The following CNTNAP2 variants were observed in gnomAD, a reference collection of about 807,000 sequenced individuals.
The protein encoded by CNTNAP2 is contactin associated protein 2, also known as contactin-associated protein-like 2.
CNTNAP2 carries 98 observed loss-of-function variants against 155.2 expected under a neutral mutation model. That is an observed-to-expected ratio of 0.63 (90% CI 0.54 to 0.75). The LOEUF (loss-of-function observed/expected upper bound fraction) is 0.75, where lower values mean the gene tolerates loss of function less well. Ranked by LOEUF, CNTNAP2 falls within the 30% of genes least tolerant of loss-of-function variation. The pLI is 0.00. For synonymous variants in CNTNAP2, 651 were observed against 631.2 expected, an observed-to-expected ratio of 1.03 and a Z score of -0.47; for missense variants, 1,727 against 1,688.1, an observed-to-expected ratio of 1.02 and a Z score of -0.40.
chr7:148,025,286 T>A (rs10236799), intron 15 of CNTNAP2, among the ~76,000 whole-genome samples: 9,470 of 152,224 alleles, frequency 0.062, 656 homozygotes, highest in African/African-American at 0.17. Context: ...TGATGCCACC[T>A]GAACCCAAGA....
chr7:146,810,233 T>C (rs1033037153), intron 2 of CNTNAP2, among the ~76,000 whole-genome samples: 1 of 152,070 alleles, frequency 6.6e-6, no homozygotes, highest in Non-Finnish European at 1.5e-5. Flanking sequence ...GCCAGTACCA[T>C]GCTCTTTTGA....
intron 14 of CNTNAP2, among the ~76,000 whole-genome samples, chr7:147,971,333 A>C (rs554041187): frequency 6.6e-5 from 10 of 152,290 alleles, no homozygotes; most frequent in Non-Finnish European, 1.2e-4. Context: ...TTAACTGTAC[A>C]TTAACTGTAC....
intron 8 of CNTNAP2, among the ~76,000 whole-genome samples, chr7:147,219,991 G>C (rs906409932): frequency 7.2e-6 from 1 of 138,608 alleles, no homozygotes; most frequent in Non-Finnish European, 1.5e-5. Flanking sequence ...GGTTTTCACC[G>C]TGTTAGCCAG....
chr7:148,370,412 A>G (rs1319980322), intron 21 of CNTNAP2, among the ~76,000 whole-genome samples: 1 of 152,120 alleles, frequency 6.6e-6, no homozygotes, highest in African/African-American at 2.4e-5. Flanking sequence ...TCCCTGCCCC[A>G]CCTTCTAGCA....
intron 14 of CNTNAP2, among the ~76,000 whole-genome samples, chr7:147,923,329 A>G (rs1249009463): frequency 6.6e-6 from 1 of 152,108 alleles, no homozygotes; most frequent in Admixed American, 6.5e-5. Context: ...AGGGACAGAC[A>G]CACATGGAGA....
intron 13 of CNTNAP2, among the ~76,000 whole-genome samples, chr7:147,869,104 A>T (rs1054517225): frequency 6.6e-6 from 1 of 152,212 alleles, no homozygotes; most frequent in African/African-American, 2.4e-5. Flanking sequence ...GCCGTCTTGG[A>T]ATGGAGCTCT....
At chr7:146,509,499 A>G (rs1350899393) in intron 1 of CNTNAP2, among the ~76,000 whole-genome samples, 1 of 152,220 alleles carries the variant, frequency 6.6e-6, no homozygotes, top group Non-Finnish European at 1.5e-5. Context: ...TAGGCAGTGT[A>G]TGACTTGTGC....
At chr7:147,024,730 AT>A (rs1798871212) in intron 3 of CNTNAP2, among the ~76,000 whole-genome samples, 1 of 152,176 alleles carries the variant, frequency 6.6e-6, no homozygotes, top group African/African-American at 2.4e-5. Context: ...ATGTTAACAC[AT>A]GTAGGGAGAG....
At chr7:146,886,038 A>G (rs1424057469) in intron 3 of CNTNAP2, among the ~76,000 whole-genome samples, 2 of 151,712 alleles carry the variant, frequency 1.3e-5, no homozygotes, top group African/African-American at 4.8e-5. Flanking sequence ...AAATTACTCT[A>G]AAACGATTCC....
At chr7:146,554,691 GC>G (rs1798170673) in intron 1 of CNTNAP2, among the ~76,000 whole-genome samples, 1 of 152,214 alleles carries the variant, frequency 6.6e-6, no homozygotes, top group Admixed American at 6.5e-5. Context: ...TCACAGGCTG[GC>G]CGTGCTACCA....
chr7:147,590,899 T>G (rs997915943), intron 12 of CNTNAP2, among the ~76,000 whole-genome samples: 6 of 152,158 alleles, frequency 3.9e-5, no homozygotes, highest in African/African-American at 1.4e-4. Flanking sequence ...AACTACTGAG[T>G]GAGAGAGAGC....
chr7:146,238,336 C>T (rs11520906), intron 1 of CNTNAP2, among the ~76,000 whole-genome samples: 30,962 of 152,020 alleles, frequency 0.2, 4,995 homozygotes, highest in African/African-American at 0.45. Flanking sequence ...GATAATTGTG[C>T]TATTACACAC....
intron 8 of CNTNAP2, among the ~76,000 whole-genome samples, chr7:147,169,732 A>T (rs1003839458): frequency 6.6e-6 from 1 of 152,174 alleles, no homozygotes; most frequent in African/African-American, 2.4e-5. Context: ...TGAACCAGGA[A>T]GAAATTCAAA....
At chr7:148,048,128 G>A (rs1802809116) in intron 15 of CNTNAP2, among the ~76,000 whole-genome samples, 1 of 150,770 alleles carries the variant, frequency 6.6e-6, no homozygotes, top group Admixed American at 6.6e-5. Flanking sequence ...GTTTCACCCT[G>A]TGAGCCAGGA....
intron 9 of CNTNAP2, among the ~76,000 whole-genome samples, chr7:147,370,470 G>T (rs1796323253): frequency 6.6e-6 from 1 of 152,224 alleles, no homozygotes; most frequent in Non-Finnish European, 1.5e-5. Context: ...AAATTTTCAG[G>T]AATTCCGTGA....
chr7:147,274,463 T>C (rs1029160830), intron 8 of CNTNAP2, among the ~76,000 whole-genome samples: 1 of 152,136 alleles, frequency 6.6e-6, no homozygotes, highest in African/African-American at 2.4e-5. Flanking sequence ...GCCACTTGTA[T>C]GACTTTTGAT....
intron 3 of CNTNAP2, among the ~76,000 whole-genome samples, chr7:146,866,051 G>A (rs1198327346): frequency 6.6e-6 from 1 of 151,932 alleles, no homozygotes; most frequent in Non-Finnish European, 1.5e-5. Context: ...TTATTCAGAG[G>A]TGCCATCCAA....
At chr7:146,196,830 T>C (rs973243234) in intron 1 of CNTNAP2, among the ~76,000 whole-genome samples, 1 of 152,182 alleles carries the variant, frequency 6.6e-6, no homozygotes. Flanking sequence ...ATTGTCGCAC[T>C]ACTATTGGAA....
At position 148,408,276 on chromosome 7, in the gene CNTNAP2, A is replaced by AC. The variant is rs34116338; in HGVS notation, c.3716-1115_3716-1114insC. The stretch of plus-strand genomic sequence containing the variant: ...CACTGCCCCCGCCCCACACACACAC[A>AC]AAAAAAGAATATCAAGTCTAAAAGA... On this transcript the variant is annotated intron_variant, in intron 22 of 23. Transcript: ENST00000361727. 6.3e-3 allele frequency among the ~76,000 whole-genome samples: 963 copies of AC among 152,042 alleles called. 10 individuals carry two copies. Among genetic ancestry groups the AC allele is most frequent in the African/African-American group, 0.022 (915 of 41,482 alleles).
Sources: allele counts gnomAD v4.1 joint callset (sites outside exome capture counted in the v4.1 genomes callset), GRCh38; gene constraint gnomAD v4.1.1; transcripts MANE v1.5; gene names NCBI Gene and HGNC (gene_info 2026-07-23, HGNC 2026-07-21).